CSMD1: variants seen among roughly 807,000 people sequenced by gnomAD.
CSMD1 encodes the protein CUB and Sushi multiple domains 1, also known as CUB and sushi domain-containing protein 1.
In CSMD1, 213 loss-of-function variants were observed where a neutral mutation model predicts 417.5. The observed-to-expected ratio is 0.51, with a 90% CI of 0.46 to 0.57. CSMD1 has a LOEUF of 0.57. Ranked by LOEUF, CSMD1 falls within the 20% of genes least tolerant of loss-of-function variation. CSMD1 has a pLI of 0.00. For synonymous variants in CSMD1, 2,862 were observed against 1,736.8 expected (o/e 1.65, Z -16.11); for missense variants, 6,923 against 4,529.7 (o/e 1.53, Z -15.17).
chr8:4,485,169 G>T (rs1407327384), intron 2 of CSMD1, among the ~76,000 whole-genome samples: 1 of 152,050 alleles, frequency 6.6e-6, no homozygotes, highest in African/African-American at 2.4e-5. Context: ...GATGTCTACT[G>T]ATTTGTATAA....
intron 1 of CSMD1, among the ~76,000 whole-genome samples, chr8:4,687,113 C>T (rs1426042358): frequency 1.3e-5 from 2 of 152,206 alleles, no homozygotes; most frequent in Non-Finnish European, 2.9e-5. Flanking sequence ...TCGATAAAAG[C>T]TGCCATAGCA....
intron 3 of CSMD1, among the ~76,000 whole-genome samples, chr8:4,328,868 C>G (rs771493842): frequency 6.6e-6 from 1 of 152,188 alleles, no homozygotes. Context: ...ATAACTGAAA[C>G]TCATAAAATG....
chr8:4,047,098 T>C (rs1798186793), intron 3 of CSMD1, among the ~76,000 whole-genome samples: 1 of 152,180 alleles, frequency 6.6e-6, no homozygotes, highest in Non-Finnish European at 1.5e-5. Context: ...TCTATGGCAT[T>C]GAAGCTGTGG....
At chr8:4,187,903 A>G (rs1798779801) in intron 3 of CSMD1, among the ~76,000 whole-genome samples, 1 of 152,050 alleles carries the variant, frequency 6.6e-6, no homozygotes, top group African/African-American at 2.4e-5. Flanking sequence ...GCATGATATC[A>G]TGCATTTGTT....
intron 2 of CSMD1, among the ~76,000 whole-genome samples, chr8:4,504,133 G>A (rs901162434): frequency 6.6e-6 from 1 of 152,110 alleles, no homozygotes; most frequent in South Asian, 2.1e-4. Context: ...ATAGCCCATG[G>A]AGGATTACTC....
At chr8:4,193,775 G>A (rs188085895) in intron 3 of CSMD1, among the ~76,000 whole-genome samples, 4 of 152,010 alleles carry the variant, frequency 2.6e-5, no homozygotes, top group Admixed American at 6.6e-5. Flanking sequence ...TTATGGAATC[G>A]GACAGGGATG....
At chr8:4,501,900 G>C (rs933491353) in intron 2 of CSMD1, among the ~76,000 whole-genome samples, 10 of 152,136 alleles carry the variant, frequency 6.6e-5, no homozygotes, top group Admixed American at 5.2e-4. Flanking sequence ...TCAAAGGTAT[G>C]AGGAATCTAC....
intron 3 of CSMD1, among the ~76,000 whole-genome samples, chr8:4,384,080 G>A (rs778078026): frequency 8.6e-5 from 13 of 152,004 alleles, no homozygotes; most frequent in Non-Finnish European, 1.3e-4. Flanking sequence ...GTCTCAGATG[G>A]AATGGTGTTC....
chr8:3,259,851 A>G (rs1050365550), intron 26 of CSMD1, among the ~76,000 whole-genome samples: 1 of 77,732 alleles, frequency 1.3e-5, no homozygotes, highest in Non-Finnish European at 3.1e-5. Flanking sequence ...TTAAATGGTT[A>G]AAAAATATCA....
At chr8:4,543,749 C>T (rs890550722) in intron 2 of CSMD1, among the ~76,000 whole-genome samples, 4 of 150,750 alleles carry the variant, frequency 2.7e-5, no homozygotes, top group African/African-American at 9.8e-5. Context: ...TGCATTCCCA[C>T]CGCTAATGAC....
chr8:4,747,400 T>G (rs1811029352), intron 1 of CSMD1, among the ~76,000 whole-genome samples: 1 of 152,086 alleles, frequency 6.6e-6, no homozygotes, highest in African/African-American at 2.4e-5. Context: ...ACTAACAAGA[T>G]TGGTAAGAGC....
intron 5 of CSMD1, among the ~76,000 whole-genome samples, chr8:3,782,731 G>C (rs1271461894): frequency 2.0e-5 from 3 of 152,162 alleles, no homozygotes; most frequent in Admixed American, 6.5e-5. Context: ...CTGGGTGTTG[G>C]TGATACTGAA....
At position 4,160,348 on chromosome 8, in the gene CSMD1, T is replaced by C. The variant is rs141242173; in HGVS notation, c.416-128249A>G. ...AAAATAATGATTGAAAACCATTTTT[T>C]GTAAAGTAATGAAGCCAACTTTGGA... is the stretch of plus-strand genomic sequence containing the variant. On this transcript the variant is annotated intron_variant, in intron 3 of 69. Transcript: ENST00000635120. Among the ~76,000 whole-genome samples, 19 of 152,314 alleles carry C rather than the reference T, an allele frequency of 1.2e-4. No homozygotes were observed. In the East Asian group the frequency reaches 3.5e-3, roughly 28 times the overall value.
intron 5 of CSMD1, among the ~76,000 whole-genome samples, chr8:3,915,585 T>C (rs1372666183): frequency 6.6e-6 from 1 of 151,576 alleles, no homozygotes; most frequent in African/African-American, 2.4e-5. Context: ...GTCAGACATT[T>C]AATGGGATTA....
chr8:4,769,253 G>A (rs1327851588), intron 1 of CSMD1, among the ~76,000 whole-genome samples: 2 of 152,108 alleles, frequency 1.3e-5, no homozygotes, highest in Non-Finnish European at 2.9e-5. Context: ...ACTGGAAAAG[G>A]CAGCCAGAAC....
chr8:4,691,715 T>G (rs1806779945), intron 1 of CSMD1, among the ~76,000 whole-genome samples: 1 of 152,218 alleles, frequency 6.6e-6, no homozygotes, highest in Admixed American at 6.5e-5. Context: ...CCCAATTTCC[T>G]GAAGGTCCAG....
chr8:4,356,807 C>T (rs568144388), intron 3 of CSMD1, among the ~76,000 whole-genome samples: 8 of 152,198 alleles, frequency 5.3e-5, no homozygotes, highest in African/African-American at 1.9e-4. Flanking sequence ...CAGCCCCTGA[C>T]CGACTTGACA....
intron 6 of CSMD1, among the ~76,000 whole-genome samples, chr8:3,737,450 AAATT>A (rs1164645954): frequency 5.9e-5 from 9 of 152,254 alleles, no homozygotes; most frequent in Admixed American, 4.6e-4. Flanking sequence ...AGTTACAGAA[AAATT>A]AATTGTTAAA....
At chr8:4,067,360 T>C (rs757698307) in intron 3 of CSMD1, among the ~76,000 whole-genome samples, 1 of 152,232 alleles carries the variant, frequency 6.6e-6, no homozygotes, top group Non-Finnish European at 1.5e-5. Flanking sequence ...AATTTTAAAG[T>C]GATTCGGGAG....
Sources: allele counts gnomAD v4.1 joint callset (sites outside exome capture counted in the v4.1 genomes callset), GRCh38; gene constraint gnomAD v4.1.1; transcripts MANE v1.5; gene names NCBI Gene and HGNC (gene_info 2026-07-23, HGNC 2026-07-21).